Variants in SPAG16 observed in about 807,000 individuals in gnomAD.
SPAG16 encodes sperm-associated antigen 16 protein.
SPAG16 carries 86 observed loss-of-function variants against 80.4 expected under a neutral mutation model. The observed-to-expected ratio is 1.07, with a 90% CI of 0.90 to 1.28. The LOEUF is 1.28. SPAG16 is among the 50% of genes most tolerant of loss of function. SPAG16 has a pLI of 0.00. For missense variants in SPAG16, 870 were observed against 765.3 expected (o/e 1.14, Z -1.61); for synonymous variants, 294 against 265.9 (o/e 1.11, Z -1.03).
At chr2:213,756,828 G>C (rs961227511) in intron 10 of SPAG16, among the ~76,000 whole-genome samples, 24 of 152,082 alleles carry the variant, frequency 1.6e-4, no homozygotes, top group Non-Finnish European at 3.1e-4. Flanking sequence ...TGTAATAACT[G>C]TTATATTCAG....
chr2:213,759,884 A>T (rs2068557331), intron 10 of SPAG16, among the ~76,000 whole-genome samples: 1 of 152,032 alleles, frequency 6.6e-6, no homozygotes, highest in Non-Finnish European at 1.5e-5. Flanking sequence ...AAAATACAAA[A>T]AATAGCTAGG....
intron 15 of SPAG16, among the ~76,000 whole-genome samples, chr2:214,401,841 A>T (rs1346108653): frequency 6.6e-6 from 1 of 152,012 alleles, no homozygotes; most frequent in Non-Finnish European, 1.5e-5. Flanking sequence ...TGAATTTTGT[A>T]ACCTTTTTGC....
chr2:214,060,270 A>T (rs903723804), intron 13 of SPAG16, among the ~76,000 whole-genome samples: 16 of 152,148 alleles, frequency 1.1e-4, no homozygotes, highest in Non-Finnish European at 2.2e-4. Flanking sequence ...CTCCAAAGAG[A>T]GTTGGGAGGA....
intron 5 of SPAG16, among the ~76,000 whole-genome samples, chr2:213,320,704 A>G (rs1268430927): frequency 3.9e-5 from 6 of 151,970 alleles, no homozygotes; most frequent in Non-Finnish European, 2.9e-5. Context: ...TAACATAATC[A>G]TCTCTAGTTT....
chr2:213,961,585 G>GTT (rs34367751), intron 12 of SPAG16, among the ~76,000 whole-genome samples: 11,545 of 136,830 alleles, frequency 0.084, 612 homozygotes, highest in African/African-American at 0.16. Context: ...TCTAACCCTA[G>GTT]TTTTTTTTTT....
chr2:213,580,255 T>C (rs2060258771), intron 10 of SPAG16, among the ~76,000 whole-genome samples: 2 of 152,114 alleles, frequency 1.3e-5, no homozygotes, highest in Non-Finnish European at 2.9e-5. Context: ...CATGACCCCT[T>C]GTCCATCATA....
chr2:214,410,179 A>C lies in SPAG16; in HGVS notation c.1760A>C (p.His587Pro). The change falls in exon 16 of 16, where the codon CAT (histidine) becomes CCT (proline). Residue 587 changes from histidine to proline, a missense_variant. His to Pro is a moderately conservative substitution (Grantham distance 77). Transcript: ENST00000331683. ...LAQASGNGVIHLLDLKSGEIH... is the reference protein window; with the variant it reads ...LAQASGNGVIPLLDLKSGEIH... Reference sequence around the variant, plus strand: ...CAGGCAAGTGGCAATGGTGTTATCCATTTGCTAGATCTTAAATCTGGGGAG... The same window carrying C: ...CAGGCAAGTGGCAATGGTGTTATCCCTTTGCTAGATCTTAAATCTGGGGAG... 1 of 1,613,646 alleles carries C rather than the reference A, an allele frequency of 6.2e-7. No homozygotes were observed. The highest frequency in any genetic ancestry group is 1.1e-5 in the South Asian group (1 of 91,074).
intron 15 of SPAG16, among the ~76,000 whole-genome samples, chr2:214,184,299 T>G (rs1157387): frequency 0.88 from 134,083 of 151,972 alleles, 59,253 homozygotes; most frequent in African/African-American, 0.93. Flanking sequence ...AGGATTATTT[T>G]TGTCATATAA....
intron 10 of SPAG16, among the ~76,000 whole-genome samples, chr2:213,612,968 C>T (rs986819298): frequency 1.3e-5 from 2 of 152,094 alleles, no homozygotes; most frequent in African/African-American, 2.4e-5. Flanking sequence ...CCACCGTGCC[C>T]GGCCCGAATA....
intron 15 of SPAG16, chr2:214,238,739 A>G (rs1576570832): frequency 6.6e-6 from 1 of 151,556 alleles, no homozygotes; most frequent in East Asian, 1.9e-4. Context: ...TTTTACTCAT[A>G]AAAATGTAAT....
intron 10 of SPAG16, among the ~76,000 whole-genome samples, chr2:213,556,778 C>A (rs1009326366): frequency 2.0e-5 from 3 of 152,116 alleles, no homozygotes; most frequent in East Asian, 1.9e-4. Flanking sequence ...TTCCATCCAA[C>A]AGCAGAACAA....
chr2:214,278,281 T>C (rs1692630520), intron 15 of SPAG16, among the ~76,000 whole-genome samples: 1 of 152,092 alleles, frequency 6.6e-6, no homozygotes, highest in South Asian at 2.1e-4. Context: ...CCGGGTGAGG[T>C]GATGCCCCAC....
intron 10 of SPAG16, among the ~76,000 whole-genome samples, chr2:213,620,202 A>C (rs1175092084): frequency 6.6e-6 from 1 of 152,010 alleles, no homozygotes; most frequent in African/African-American, 2.4e-5. Context: ...CATGGGTACA[A>C]AATTATAGCT....
chr2:214,135,749 C>CTCACTCTT (rs1491424597), intron 14 of SPAG16, among the ~76,000 whole-genome samples: 1 of 149,486 alleles, frequency 6.7e-6, no homozygotes, highest in African/African-American at 2.4e-5. Flanking sequence ...CTCTCTCTCT[C>CTCACTCTT]ACTCTTGCTT....
intron 13 of SPAG16, among the ~76,000 whole-genome samples, chr2:214,104,480 C>T (rs1255743824): frequency 6.6e-6 from 1 of 151,880 alleles, no homozygotes; most frequent in African/African-American, 2.4e-5. Flanking sequence ...GATGGCCTGC[C>T]CCCAGAGTGG....
intron 10 of SPAG16, among the ~76,000 whole-genome samples, chr2:213,805,013 T>C (rs934837648): frequency 1.3e-5 from 2 of 152,216 alleles, no homozygotes; most frequent in African/African-American, 4.8e-5. Context: ...GTAATGTAGC[T>C]AATGGGCTGT....
intron 10 of SPAG16, among the ~76,000 whole-genome samples, chr2:213,607,331 T>A (rs1226838095): frequency 2.0e-5 from 3 of 152,210 alleles, no homozygotes; most frequent in Non-Finnish European, 4.4e-5. Context: ...TATTGCACCT[T>A]TCTTAAAAAA....
At chr2:213,387,030 A>T (rs2067464549) in intron 9 of SPAG16, among the ~76,000 whole-genome samples, 1 of 152,188 alleles carries the variant, frequency 6.6e-6, no homozygotes, top group African/African-American at 2.4e-5. Context: ...GTGTGTCAAC[A>T]TATTATTTTA....
chr2:213,737,511 G>A (rs1470784503), intron 10 of SPAG16, among the ~76,000 whole-genome samples: 98 of 131,922 alleles, frequency 7.4e-4, no homozygotes, highest in African/African-American at 2.8e-3. Flanking sequence ...TTTTTGAGAC[G>A]GAGTCTCGCT....
Sources: allele counts gnomAD v4.1 joint callset (sites outside exome capture counted in the v4.1 genomes callset), GRCh38; gene constraint gnomAD v4.1.1; transcripts MANE v1.5; gene names NCBI Gene and HGNC (gene_info 2026-07-23, HGNC 2026-07-21).